The following SNCB variants were observed in gnomAD, a reference collection of about 807,000 sequenced individuals.
SNCB encodes the protein synuclein beta.
SNCB carries 8 observed loss-of-function variants against 20.0 expected under a neutral mutation model. The observed-to-expected ratio is 0.40, with a 90% CI of 0.24 to 0.72. SNCB has a LOEUF of 0.72. Among genes scored for constraint, SNCB ranks in the 30% least tolerant of loss-of-function variants. SNCB has a pLI of 0.37. For missense variants in SNCB, 125 were observed against 168.0 expected, an observed-to-expected ratio of 0.74 and a Z score of 1.41; for synonymous variants, 56 against 65.4, an observed-to-expected ratio of 0.86 and a Z score of 0.69.
At chr5:176,622,732 CTTTTTTT>C (rs149031370) in intron 4 of SNCB, among the ~76,000 whole-genome samples, 2 of 93,556 alleles carry the variant, frequency 2.1e-5, no homozygotes, top group African/African-American at 8.8e-5. Context: ...TTCATGATGA[CTTTTTTT>C]TTTTTTTTTT....
chr5:176,629,350 A>C lies in SNCB; in HGVS notation c.121+184T>G. 5 of 628,692 alleles carry C rather than the reference A, an allele frequency of 8.0e-6. No homozygotes were observed. Among genetic ancestry groups the C allele is most frequent in the Admixed American group, 3.0e-5 (1 of 33,036 alleles). 38.9% of individuals were successfully genotyped at this position (628,692 alleles called of 1,614,324 possible). A position where few individuals can be genotyped will look rare whatever the true frequency, so the allele number is the denominator to read the frequency against. ...CCTCATCAGCCCGCCCCGTGTCCCC[A>C]TTTCCGGATACAGACCCAGGCTTCT... On this transcript the variant is annotated intron_variant, in intron 2 of 5. Coordinates refer to ENST00000393693, the MANE Select transcript of SNCB (RefSeq NM_003085.5). This position sits in a 1 kb window ranked among gnomAD's most constrained non-coding sequence, Gnocchi z 4.1.
chr5:176,624,511 G>A (rs1285903705), intron 4 of SNCB, among the ~76,000 whole-genome samples: 1 of 152,162 alleles, frequency 6.6e-6, no homozygotes, highest in African/African-American at 2.4e-5. Flanking sequence ...TAAGAAATGG[G>A]AAGTCATGGC....
chr5:176,622,824 C>T (rs190129493), intron 4 of SNCB, among the ~76,000 whole-genome samples: 141 of 151,108 alleles, frequency 9.3e-4, no homozygotes, highest in Non-Finnish European at 1.8e-3. Flanking sequence ...GCAACCTCAG[C>T]CTCCTGGGTT....
Position 176,620,608 on chromosome 5 carries a change from G to A in SNCB, c.*203C>T, listed in dbSNP as rs1759517861. On this transcript the variant is annotated 3_prime_UTR_variant, in exon 6 of 6. Coordinates refer to ENST00000393693, the MANE Select transcript of SNCB (RefSeq NM_003085.5). The surrounding 1 kb of genome is among the most constrained non-coding windows in gnomAD (Gnocchi z 4.5). ...GCTCCCAGCCGCGACCGCAACCCTGGCCCTGTCCATGCCCCGGGGTTGGAC... is the reference window on the plus strand; with the variant it reads ...GCTCCCAGCCGCGACCGCAACCCTGACCCTGTCCATGCCCCGGGGTTGGAC... 1.6e-6 allele frequency: 1 copy of A among 613,324 alleles called. No individual in the cohort carries two copies. Among genetic ancestry groups the A allele is most frequent in the African/African-American group, 1.8e-5 (1 of 54,296 alleles). The allele number at this position is 613,324 out of a possible 1,614,324, so 38.0% of individuals were successfully genotyped here. A position where few individuals can be genotyped will look rare whatever the true frequency, so the allele number is the denominator to read the frequency against.
Position 176,629,737 on chromosome 5 carries a change from A to G in SNCB, c.-9-74T>C, listed in dbSNP as rs1760236101. 3 of 1,549,450 alleles carry G rather than the reference A, an allele frequency of 1.9e-6. No homozygotes were observed. Among genetic ancestry groups the G allele is most frequent in the Non-Finnish European group, 2.6e-6 (3 of 1,143,932 alleles). On this transcript the variant is annotated intron_variant, in intron 1 of 5. Coordinates refer to ENST00000393693, the MANE Select transcript of SNCB (RefSeq NM_003085.5). The surrounding 1 kb of genome is among the most constrained non-coding windows in gnomAD (Gnocchi z 4.1). The stretch of plus-strand genomic sequence containing the variant: ...CCCCAGCCCCTCCCGCGGGACGCAG[A>G]TGCCCCCCTACTCCCGAGACCGCGG...
intron 4 of SNCB, among the ~76,000 whole-genome samples, chr5:176,625,044 T>A (rs1333466540): frequency 6.6e-6 from 1 of 152,160 alleles, no homozygotes; most frequent in South Asian, 2.1e-4. Context: ...CCCATCCCCA[T>A]GGAGGCAGGG....
At chr5:176,622,190 A>G (rs1214433818) in intron 4 of SNCB, among the ~76,000 whole-genome samples, 1 of 152,228 alleles carries the variant, frequency 6.6e-6, no homozygotes, top group African/African-American at 2.4e-5. Context: ...CTGTGGGCAC[A>G]TGAGTTTCCA....
Position 176,621,289 on chromosome 5 carries a change from G to A in SNCB, c.297C>T (p.Ala99=). The A allele has an allele frequency of 1.2e-6, 2 of 1,613,544 alleles. No homozygotes were observed. The highest frequency in any genetic ancestry group is 1.7e-6 in the Non-Finnish European group (2 of 1,179,862). The part of the protein sequence containing the change: ...FPTDLKPEEV[A]QEAAEEPLIE... Reference sequence around the variant, plus strand: ...TCAGTGGTTCTTCAGCAGCTTCCTGGGCCACTTCCTCTGGCTGTGGGCAGA... The same window carrying A: ...TCAGTGGTTCTTCAGCAGCTTCCTGAGCCACTTCCTCTGGCTGTGGGCAGA... Residue 99 remains alanine (A), a synonymous_variant, in exon 5 of 6, where the codon GCC becomes GCT. Transcript: ENST00000393693. This position sits in a 1 kb window ranked among gnomAD's most constrained non-coding sequence, Gnocchi z 4.1.
At chr5:176,623,042 C>T (rs1300248861) in intron 4 of SNCB, among the ~76,000 whole-genome samples, 2 of 151,736 alleles carry the variant, frequency 1.3e-5, no homozygotes, top group African/African-American at 2.4e-5. Flanking sequence ...CTCATGATAA[C>T]ATTTACAAGA....
Position 176,629,019 on chromosome 5 carries a change from C to T in SNCB, c.121+515G>A, listed in dbSNP as rs4242202. On this transcript the variant is annotated intron_variant, in intron 2 of 5. Coordinates refer to ENST00000393693, the MANE Select transcript of SNCB (RefSeq NM_003085.5). This position sits in a 1 kb window ranked among gnomAD's most constrained non-coding sequence, Gnocchi z 4.1. ...CGGCCTTGGAGGTGCTGGAGGGAGG[C>T]GCCACAAGGGGAGGGGTGGGGCTTC... Among the ~76,000 whole-genome samples, 24,427 of 151,764 alleles carry T rather than the reference C, an allele frequency of 0.16. 2,313 individuals are homozygous for T. Among genetic ancestry groups the T allele is most frequent in the East Asian group, 0.35 (1,801 of 5,124 alleles).
rs1324672413 is a variant in SNCB, at chr5:176,626,136, G to A, written c.282+262C>T. 6.6e-6 allele frequency among the ~76,000 whole-genome samples: 1 copy of A among 152,070 alleles called. No homozygotes were observed. On this transcript the variant is annotated intron_variant, in intron 4 of 5. Coordinates refer to ENST00000393693, the MANE Select transcript of SNCB (RefSeq NM_003085.5). The surrounding 1 kb of genome is among the most constrained non-coding windows in gnomAD (Gnocchi z 4.2). ...CGTGGCCAGAAGTCATCTGGGTCAC[G>A]CTGGCAAGCAGGATACACGCAGACA...
rs1759569545 is a variant in SNCB, at chr5:176,621,173, C to T, written c.372+41G>A. 6.6e-7 allele frequency: 1 copy of T among 1,507,304 alleles called. No individual in the cohort carries two copies. The highest frequency in any genetic ancestry group is 9.2e-7 in the Non-Finnish European group (1 of 1,092,038). The allele number at this position is 1,507,304 out of a possible 1,614,324, so 93.4% of individuals were successfully genotyped here. The stretch of plus-strand genomic sequence containing the variant: ...CCAGCTAGGGACGGCAGCAATCATC[C>T]TGGATTCCCAAAGTCCCGCCCAGCC... On this transcript the variant is annotated intron_variant, in intron 5 of 5. Coordinates refer to ENST00000393693, the MANE Select transcript of SNCB (RefSeq NM_003085.5). The surrounding 1 kb of genome is among the most constrained non-coding windows in gnomAD (Gnocchi z 4.1).
Position 176,620,796 on chromosome 5 carries a change from G to T in SNCB, c.*15C>A. On this transcript the variant is annotated 3_prime_UTR_variant, in exon 6 of 6. Coordinates refer to ENST00000393693, the MANE Select transcript of SNCB (RefSeq NM_003085.5). This position sits in a 1 kb window ranked among gnomAD's most constrained non-coding sequence, Gnocchi z 4.5. ...GGGACAGAATTGTGCTGCTGGTGGG[G>T]GCTCTCCTGGGCCCCTACGCCTCTG... The T allele has an allele frequency of 6.2e-7, 1 of 1,609,100 alleles. No homozygotes were observed. Among genetic ancestry groups the T allele is most frequent in the Non-Finnish European group, 8.5e-7 (1 of 1,175,426 alleles).
rs1264683230 is a variant in SNCB, at chr5:176,629,496, CCAGCCCTG to C, written c.121+30_121+37del. 14 of 1,607,590 alleles carry C rather than the reference CCAGCCCTG, an allele frequency of 8.7e-6. No individual in the cohort carries two copies. Among genetic ancestry groups the C allele is most frequent in the African/African-American group, 1.3e-5 (1 of 74,754 alleles). Reference sequence around the variant, plus strand: ...CCAGCTCCACACTGTCGGGGGACCCCCAGCCCTGCAGCCCCAGAAACCCCGCCCCTTAC... The same window carrying C: ...CCAGCTCCACACTGTCGGGGGACCCCCAGCCCCAGAAACCCCGCCCCTTAC... On this transcript the variant is annotated intron_variant, in intron 2 of 5. Coordinates refer to ENST00000393693, the MANE Select transcript of SNCB (RefSeq NM_003085.5). The surrounding 1 kb of genome is among the most constrained non-coding windows in gnomAD (Gnocchi z 4.1).
intron 2 of SNCB, among the ~76,000 whole-genome samples, chr5:176,627,907 A>G (rs1279122507): frequency 6.6e-6 from 1 of 152,186 alleles, no homozygotes; most frequent in East Asian, 1.9e-4. Context: ...AGGACTGACT[A>G]TGTGAGGAGG....
rs899257543 is a variant in SNCB, at chr5:176,620,625, G to A, written c.*186C>T. 3.2e-6 allele frequency: 2 copies of A among 625,806 alleles called. No individual in the cohort carries two copies. The highest frequency in any genetic ancestry group is 5.7e-6 in the Non-Finnish European group (2 of 348,282). The allele number at this position is 625,806 out of a possible 1,614,324, so 38.8% of individuals were successfully genotyped here. ...CAACCCTGGCCCTGTCCATGCCCCG[G>A]GGTTGGACGCGGGCGGGTAGGACAG... is the stretch of plus-strand genomic sequence containing the variant. On this transcript the variant is annotated 3_prime_UTR_variant, in exon 6 of 6. Transcript: ENST00000393693. This position sits in a 1 kb window ranked among gnomAD's most constrained non-coding sequence, Gnocchi z 4.5.
At chr5:176,628,203 G>A (rs551113488) in intron 2 of SNCB, among the ~76,000 whole-genome samples, 3 of 152,282 alleles carry the variant, frequency 2.0e-5, no homozygotes, top group Admixed American at 6.5e-5. Flanking sequence ...GCCAATCTAA[G>A]GGGAAGAGCA....
In SNCB at chr5:176,620,569, A is replaced by T; in HGVS notation, c.*242T>A. 1.7e-6 allele frequency: 1 copy of T among 595,422 alleles called. No individual in the cohort carries two copies. Among genetic ancestry groups the T allele is most frequent in the Non-Finnish European group, 3.0e-6 (1 of 333,860 alleles). 36.9% of individuals were successfully genotyped at this position (595,422 alleles called of 1,614,324 possible). On this transcript the variant is annotated 3_prime_UTR_variant, in exon 6 of 6. Transcript: ENST00000393693. The surrounding 1 kb of genome is among the most constrained non-coding windows in gnomAD (Gnocchi z 4.5). ...CAGACGCTGGATGGGAGGAGGCAAC[A>T]CTGGAGGGGCGAGGCTCCCAGCCGC...
Position 176,626,672 on chromosome 5 carries a change from T to C in SNCB, c.163+48A>G. On this transcript the variant is annotated intron_variant, in intron 3 of 5. Transcript: ENST00000393693. This position sits in a 1 kb window ranked among gnomAD's most constrained non-coding sequence, Gnocchi z 4.2. Reference sequence around the variant, plus strand: ...CCCCGCCCTCTGGTTCCCGGCCAGATCATCCGCCTAAGTGAGAGAAGGGCT... The same window carrying C: ...CCCCGCCCTCTGGTTCCCGGCCAGACCATCCGCCTAAGTGAGAGAAGGGCT... 1 of 1,602,424 alleles carries C rather than the reference T, an allele frequency of 6.2e-7. No homozygotes were observed. Among genetic ancestry groups the C allele is most frequent in the Non-Finnish European group, 8.5e-7 (1 of 1,169,954 alleles).
Sources: allele counts gnomAD v4.1 joint callset (sites outside exome capture counted in the v4.1 genomes callset), GRCh38; gene constraint gnomAD v4.1.1; non-coding constraint Gnocchi (gnomAD v3.1); transcripts MANE v1.5; gene names NCBI Gene and HGNC (gene_info 2026-07-23, HGNC 2026-07-21).